RIMS2: variants seen among roughly 807,000 people sequenced by gnomAD.
RIMS2 encodes regulating synaptic membrane exocytosis protein 2.
A neutral mutation model predicts 174.4 loss-of-function variants in RIMS2; 59 were observed. The observed-to-expected ratio is 0.34, with a 90% CI of 0.27 to 0.42. The LOEUF is 0.42. Among genes scored for constraint, RIMS2 ranks in the 10% least tolerant of loss-of-function variants. The pLI is 1.00. For synonymous variants in RIMS2, 606 were observed against 572.5 expected (o/e 1.06, Z -0.84); for missense variants, 1,620 against 1,666.3 (o/e 0.97, Z 0.48).
At chr8:103,539,691 G>C (rs761182811) in intron 1 of RIMS2, among the ~76,000 whole-genome samples, 1 of 152,164 alleles carries the variant, frequency 6.6e-6, no homozygotes, top group Non-Finnish European at 1.5e-5. Context: ...CTACACAGCT[G>C]TATATTCTTC....
At chr8:104,108,761 T>C (rs1488353245) in intron 19 of RIMS2, among the ~76,000 whole-genome samples, 7 of 152,218 alleles carry the variant, frequency 4.6e-5, no homozygotes, top group Non-Finnish European at 8.8e-5. Context: ...TATATAGTTG[T>C]CTGAAGACCA....
At chr8:104,033,119 C>G (rs1314145976) in intron 19 of RIMS2, among the ~76,000 whole-genome samples, 2 of 151,696 alleles carry the variant, frequency 1.3e-5, no homozygotes, top group Non-Finnish European at 2.9e-5. Flanking sequence ...ACAGTACCTA[C>G]TGAAAATGTA....
chr8:103,810,331 A>C (rs1192214831), intron 3 of RIMS2, among the ~76,000 whole-genome samples: 1 of 152,178 alleles, frequency 6.6e-6, no homozygotes, highest in Non-Finnish European at 1.5e-5. Context: ...AGAAAGGAGA[A>C]GGTAGGCAGT....
chr8:103,760,680 G>A (rs897578032), intron 2 of RIMS2, among the ~76,000 whole-genome samples: 6 of 152,268 alleles, frequency 3.9e-5, no homozygotes, highest in African/African-American at 1.2e-4. Flanking sequence ...GGGCCAGAGG[G>A]AAAGATCTAT....
intron 1 of RIMS2, among the ~76,000 whole-genome samples, chr8:103,563,889 ACT>A (rs1587839395): frequency 6.6e-6 from 1 of 152,210 alleles, no homozygotes; most frequent in South Asian, 2.1e-4. Flanking sequence ...TACAGGGGAA[ACT>A]CTCTTATAAA....
intron 1 of RIMS2, among the ~76,000 whole-genome samples, chr8:103,595,936 AG>A (rs1359688251): frequency 1.3e-5 from 2 of 151,996 alleles, no homozygotes; most frequent in Non-Finnish European, 2.9e-5. Flanking sequence ...TAACATACCA[AG>A]AAGTTACTTT....
intron 16 of RIMS2, among the ~76,000 whole-genome samples, chr8:103,988,683 C>A (rs141879371): frequency 0.026 from 3,998 of 152,232 alleles, 199 homozygotes; most frequent in African/African-American, 0.091. Context: ...TGGTCTCGAA[C>A]TCCCGACCTC....
chr8:104,201,142 C>A (rs1010970319), intron 19 of RIMS2, among the ~76,000 whole-genome samples: 5 of 152,140 alleles, frequency 3.3e-5, no homozygotes, highest in Admixed American at 6.5e-5. Flanking sequence ...ACCCTCTCCC[C>A]TCAAGTAGGC....
intron 10 of RIMS2, among the ~76,000 whole-genome samples, chr8:103,924,607 A>G (rs953333515): frequency 3.3e-5 from 5 of 151,602 alleles, no homozygotes; most frequent in African/African-American, 7.2e-5. Context: ...ACTTGGGCCC[A>G]TACTTCACTT....
At chr8:103,955,438 G>T (rs1174917215) in intron 14 of RIMS2, among the ~76,000 whole-genome samples, 1 of 152,054 alleles carries the variant, frequency 6.6e-6, no homozygotes, top group East Asian at 1.9e-4. Flanking sequence ...ATTCAAGGCT[G>T]GTTCAACATA....
chr8:103,505,679 G>A (rs151088450), intron 1 of RIMS2, among the ~76,000 whole-genome samples: 1 of 152,184 alleles, frequency 6.6e-6, no homozygotes, highest in African/African-American at 2.4e-5. Flanking sequence ...TAAATATTGT[G>A]AAATTTACTT....
chr8:103,855,454 T>C (rs76893627), intron 3 of RIMS2, among the ~76,000 whole-genome samples: 1 of 152,144 alleles, frequency 6.6e-6, no homozygotes, highest in Admixed American at 6.6e-5. Flanking sequence ...GATTGTTAAT[T>C]TGAGATCTTT....
At chr8:104,129,158 G>A (rs1242432622) in intron 19 of RIMS2, among the ~76,000 whole-genome samples, 1 of 151,928 alleles carries the variant, frequency 6.6e-6, no homozygotes. Flanking sequence ...TGTGAGGCAG[G>A]ATAGATCCCT....
At chr8:103,594,443 G>A (rs921034256) in intron 1 of RIMS2, among the ~76,000 whole-genome samples, 2 of 151,504 alleles carry the variant, frequency 1.3e-5, no homozygotes, top group Non-Finnish European at 3.0e-5. Flanking sequence ...TATTAAATAA[G>A]GCATGTTTAA....
chr8:103,910,342 GAA>G (rs1159769403), intron 5 of RIMS2: 2 of 1,594,324 alleles, frequency 1.3e-6, no homozygotes, highest in African/African-American at 2.7e-5. Context: ...AAGGGAAAAA[GAA>G]AAACTAGTGA....
intron 19 of RIMS2, among the ~76,000 whole-genome samples, chr8:104,023,508 G>A (rs2096166082): frequency 6.6e-6 from 1 of 152,104 alleles, no homozygotes; most frequent in African/African-American, 2.4e-5. Context: ...GAGAAAGAAA[G>A]ATTCAATAAT....
At chr8:104,029,458 A>G (rs2096337782) in intron 19 of RIMS2, among the ~76,000 whole-genome samples, 1 of 152,202 alleles carries the variant, frequency 6.6e-6, no homozygotes, top group Non-Finnish European at 1.5e-5. Flanking sequence ...TTCCTGGCTC[A>G]ATATGGTGAC....
At chr8:103,576,413 G>T (rs185088204) in intron 1 of RIMS2, among the ~76,000 whole-genome samples, 65 of 152,292 alleles carry the variant, frequency 4.3e-4, no homozygotes, top group Non-Finnish European at 8.2e-4. Context: ...ATCCTTGAAT[G>T]CAAAGATGTA....
At chr8:104,217,712 A>G (rs1170184037) in intron 19 of RIMS2, among the ~76,000 whole-genome samples, 1 of 152,210 alleles carries the variant, frequency 6.6e-6, no homozygotes, top group Non-Finnish European at 1.5e-5. Context: ...AAAGCTTAAA[A>G]TTTATTTGTA....
Sources: gnomAD v4.1 joint callset for allele counts (sites outside exome capture counted in the v4.1 genomes callset) on GRCh38, gnomAD v4.1.1 for gene constraint, MANE v1.5 for transcripts, NCBI Gene and HGNC (gene_info 2026-07-23, HGNC 2026-07-21) for gene names.